The following ZFHX3 variants were observed in gnomAD, a reference collection of about 807,000 sequenced individuals.
ZFHX3 encodes zinc finger homeobox protein 3.
In ZFHX3, 42 loss-of-function variants were observed where a neutral mutation model predicts 279.1. That is an observed-to-expected ratio of 0.15 (90% CI 0.12 to 0.19). The LOEUF is 0.19. Among genes scored for constraint, ZFHX3 ranks in the 10% least tolerant of loss-of-function variants. The pLI is 1.00. For missense variants in ZFHX3, 4,981 were observed against 4,754.0 expected, an observed-to-expected ratio of 1.05 and a Z score of -1.40; for synonymous variants, 2,293 against 1,957.8, an observed-to-expected ratio of 1.17 and a Z score of -4.52.
intron 1 of ZFHX3, among the ~76,000 whole-genome samples, chr16:73,888,867 G>T (rs2030434988): frequency 6.6e-6 from 1 of 151,806 alleles, no homozygotes; most frequent in Non-Finnish European, 1.5e-5. Context: ...AACCGGGAAG[G>T]ATCCCTGTTC....
chr16:73,831,363 G>C (rs1276781259), intron 1 of ZFHX3, among the ~76,000 whole-genome samples: 2 of 152,214 alleles, frequency 1.3e-5, no homozygotes, highest in Non-Finnish European at 2.9e-5. Context: ...TGCAGGGTCA[G>C]AGCAGCCCTG....
intron 3 of ZFHX3, among the ~76,000 whole-genome samples, chr16:72,911,377 T>C (rs2039311764): frequency 6.6e-6 from 1 of 152,252 alleles, no homozygotes; most frequent in South Asian, 2.1e-4. Flanking sequence ...CTCAATTATC[T>C]GCATGAATGA....
intron 6 of ZFHX3, among the ~76,000 whole-genome samples, chr16:73,142,627 G>A (rs1966850521): frequency 6.6e-6 from 1 of 152,228 alleles, no homozygotes; most frequent in South Asian, 2.1e-4. Flanking sequence ...ATGAGTGCAT[G>A]ACGGGTAGTG....
chr16:73,546,769 T>A lies in ZFHX3; in HGVS notation c.-1546-90511A>T, dbSNP rs566355141. On this transcript the variant is annotated intron_variant, in intron 2 of 17. Transcript: ENST00000641206. Reference sequence around the variant, plus strand: ...TTTTTCGGCTTCTTCTTCTCCTTTTTTAATCAGGCAGACATTTGGGAAATG... The same window carrying A: ...TTTTTCGGCTTCTTCTTCTCCTTTTATAATCAGGCAGACATTTGGGAAATG... 6.6e-5 allele frequency among the ~76,000 whole-genome samples: 10 copies of A among 151,718 alleles called. No homozygotes were observed. In the South Asian group the frequency reaches 2.1e-3, roughly 32 times the overall value.
chr16:73,757,521 GT>G (rs980229920), intron 1 of ZFHX3, among the ~76,000 whole-genome samples: 2 of 151,566 alleles, frequency 1.3e-5, no homozygotes, highest in African/African-American at 2.4e-5. Context: ...AGTAGGGAAT[GT>G]TTTTTTTTAA....
chr16:73,369,033 G>A (rs889122470), intron 3 of ZFHX3, among the ~76,000 whole-genome samples: 1 of 152,172 alleles, frequency 6.6e-6, no homozygotes, highest in Non-Finnish European at 1.5e-5. Context: ...CCTATAAAAT[G>A]GTGTCAGTAA....
intron 1 of ZFHX3, among the ~76,000 whole-genome samples, chr16:72,971,919 C>T (rs973021078): frequency 2.1e-5 from 3 of 140,120 alleles, no homozygotes; most frequent in Non-Finnish European, 4.6e-5. Flanking sequence ...GGAGTTTCAC[C>T]CTGCTGCCCA....
intron 2 of ZFHX3, among the ~76,000 whole-genome samples, chr16:73,550,161 G>C (rs1394620434): frequency 1.3e-5 from 2 of 152,224 alleles, no homozygotes; most frequent in East Asian, 1.9e-4. Context: ...GAGTACTTCG[G>C]GGCTGGGCCG....
At chr16:73,859,226 A>G (rs925562839) in intron 1 of ZFHX3, among the ~76,000 whole-genome samples, 15 of 152,234 alleles carry the variant, frequency 9.9e-5, no homozygotes, top group African/African-American at 3.6e-4. Flanking sequence ...TTCCTACTTC[A>G]TAAAAATGAT....
At chr16:72,977,168 A>C (rs1962386542) in intron 1 of ZFHX3, among the ~76,000 whole-genome samples, 1 of 152,176 alleles carries the variant, frequency 6.6e-6, no homozygotes, top group South Asian at 2.1e-4. Context: ...CTGGTTTCCC[A>C]CTTCCTCACC....
chr16:73,441,960 C>T (rs1597336895), intron 3 of ZFHX3, among the ~76,000 whole-genome samples: 1 of 152,124 alleles, frequency 6.6e-6, no homozygotes, highest in South Asian at 2.1e-4. Context: ...ACATCGTGTG[C>T]GGATGAGAAT....
At chr16:73,590,154 A>G (rs1186045081) in intron 2 of ZFHX3, among the ~76,000 whole-genome samples, 1 of 152,078 alleles carries the variant, frequency 6.6e-6, no homozygotes, top group Non-Finnish European at 1.5e-5. Flanking sequence ...GTGAGTAAAA[A>G]CCTGCAGCCC....
chr16:72,934,244 G>GT (rs1959989257), intron 3 of ZFHX3, among the ~76,000 whole-genome samples: 1 of 151,990 alleles, frequency 6.6e-6, no homozygotes, highest in Admixed American at 6.5e-5. Flanking sequence ...GGCCAACATG[G>GT]TAAAACCCCG....
At chr16:72,996,236 C>T (rs1470146550) in intron 1 of ZFHX3, among the ~76,000 whole-genome samples, 1 of 152,134 alleles carries the variant, frequency 6.6e-6, no homozygotes, top group Non-Finnish European at 1.5e-5. Flanking sequence ...GTGAGCTGAG[C>T]TCGTGCCACT....
At chr16:73,336,886 G>A (rs145439225) in intron 3 of ZFHX3, among the ~76,000 whole-genome samples, 14 of 152,052 alleles carry the variant, frequency 9.2e-5, no homozygotes, top group East Asian at 1.9e-4. Flanking sequence ...TCATGATCCC[G>A]TCCCTCGCTT....
chr16:73,704,425 G>C (rs761161020), intron 1 of ZFHX3, among the ~76,000 whole-genome samples: 1 of 152,090 alleles, frequency 6.6e-6, no homozygotes, highest in Non-Finnish European at 1.5e-5. Flanking sequence ...AAATGAGGTT[G>C]GACATTTTAA....
At chr16:73,047,583 T>C (rs184972669) in intron 1 of ZFHX3, among the ~76,000 whole-genome samples, 169 bp downstream of exon 1, 1 of 152,074 alleles carries the variant, frequency 6.6e-6, no homozygotes, top group Non-Finnish European at 1.5e-5. Context: ...CCAGCAGAAT[T>C]TAGGCGCTCT....
chr16:73,678,325 A>C (rs1210799551), intron 2 of ZFHX3, among the ~76,000 whole-genome samples: 1 of 152,170 alleles, frequency 6.6e-6, no homozygotes, highest in Non-Finnish European at 1.5e-5. Context: ...AAAGTGTAAA[A>C]GAAGTGCATC....
intron 3 of ZFHX3, among the ~76,000 whole-genome samples, chr16:72,899,429 G>A (rs188276892): frequency 2.6e-5 from 4 of 152,166 alleles, no homozygotes; most frequent in Non-Finnish European, 4.4e-5. Context: ...CATCATGATT[G>A]TAAGTTTTCT....
Sources: gnomAD v4.1 joint callset for allele counts (sites outside exome capture counted in the v4.1 genomes callset) on GRCh38, gnomAD v4.1.1 for gene constraint, MANE v1.5 for transcripts, NCBI Gene and HGNC (gene_info 2026-07-23, HGNC 2026-07-21) for gene names.